Variants in KANSL1 observed in about 807,000 individuals in gnomAD.
The protein encoded by KANSL1 is KAT8 regulatory NSL complex subunit 1, also known as MLL1/MLL complex subunit KANSL1.
A neutral mutation model predicts 103.6 loss-of-function variants in KANSL1; 22 were observed. The observed-to-expected ratio is 0.21, with a 90% CI of 0.15 to 0.30. The LOEUF (loss-of-function observed/expected upper bound fraction) is 0.30, where lower values mean the gene tolerates loss of function less well. Among genes scored for constraint, KANSL1 ranks in the 10% least tolerant of loss-of-function variants. The probability of loss-of-function intolerance (pLI) is 1.00; values close to 1 mark genes in which losing one functional copy is unlikely to be tolerated. For missense variants in KANSL1, 1,337 were observed against 1,399.8 expected, an observed-to-expected ratio of 0.96 and a Z score of 0.72; for synonymous variants, 600 against 527.6, an observed-to-expected ratio of 1.14 and a Z score of -1.88.
intron 6 of KANSL1, among the ~76,000 whole-genome samples, chr17:46,056,195 C>T (rs1246688758): frequency 2.0e-5 from 3 of 152,158 alleles, no homozygotes; most frequent in African/African-American, 7.2e-5. Context: ...ACGGGGGTTT[C>T]GCCATGCTGG....
chr17:46,067,439 AAGGC>A, intron 5 of KANSL1, 106 bp downstream of exon 5: 1 of 727,610 alleles, frequency 1.4e-6, no homozygotes, highest in Non-Finnish European at 2.5e-6. Context: ...ACTAAGTGAT[AAGGC>A]TTCCGCTTCT....
intron 1 of KANSL1, among the ~76,000 whole-genome samples, chr17:46,199,962 A>AC (rs1334047658): frequency 6.6e-6 from 1 of 152,176 alleles, no homozygotes; most frequent in Admixed American, 6.5e-5. Flanking sequence ...AATAGCAGCT[A>AC]CCAGCACTCA....
chr17:46,052,927 G>A (rs914568148), intron 6 of KANSL1, among the ~76,000 whole-genome samples: 6 of 123,592 alleles, frequency 4.9e-5, no homozygotes, highest in Non-Finnish European at 4.7e-5. Flanking sequence ...TTGCACCACT[G>A]CACTGCAGCC....
At position 46,105,906 on chromosome 17, in the gene KANSL1, G is replaced by GACACAC. The variant is rs773000790; in HGVS notation, c.1290-11211_1290-11206dup. ...ACACACACACACAGAGCAAGGCCTT[G>GACACAC]ACACACACACACACACACACACACA... On this transcript the variant is annotated intron_variant, in intron 2 of 14. Coordinates refer to ENST00000432791, the MANE Select transcript of KANSL1 (RefSeq NM_015443.4). Among the ~76,000 whole-genome samples the GACACAC allele has an allele frequency of 9.8e-4, 93 of 95,254 alleles. 1 individual carries two copies. Among genetic ancestry groups the GACACAC allele is most frequent in the Admixed American group, 1.4e-3 (14 of 10,274 alleles). 62.5% of individuals were successfully genotyped at this position (95,254 alleles called of 152,430 possible). A position where few individuals can be genotyped will look rare whatever the true frequency, so the allele number is the denominator to read the frequency against.
upstream of KANSL1, among the ~76,000 whole-genome samples, chr17:46,197,205 TTGTC>T (rs2047641214): frequency 6.6e-6 from 1 of 152,266 alleles, no homozygotes; most frequent in African/African-American, 2.4e-5. Context: ...CCATCCATCT[TTGTC>T]TGTGTTCTCT....
chr17:46,098,629 G>T (rs1454285567), intron 2 of KANSL1, among the ~76,000 whole-genome samples: 1 of 152,166 alleles, frequency 6.6e-6, no homozygotes, highest in African/African-American at 2.4e-5. Context: ...TGGATAATAT[G>T]GTTAATAAAC....
intron 1 of KANSL1, among the ~76,000 whole-genome samples, chr17:46,190,312 ACACT>A (rs1451263376): frequency 6.6e-6 from 1 of 152,258 alleles, no homozygotes; most frequent in Non-Finnish European, 1.5e-5. Context: ...TCAACAGGAA[ACACT>A]CACGTAACAA....
chr17:46,155,175 T>C (rs2045350820), intron 2 of KANSL1, among the ~76,000 whole-genome samples: 1 of 148,628 alleles, frequency 6.7e-6, no homozygotes. Context: ...TTTTTTTTTT[T>C]TTTTTGAGAT....
intron 2 of KANSL1, among the ~76,000 whole-genome samples, chr17:46,133,644 A>G (rs1041024673): frequency 6.6e-6 from 1 of 152,240 alleles, no homozygotes; most frequent in African/African-American, 2.4e-5. Context: ...TAAAAGCTCA[A>G]TGACAATAAC....
rs10083827 is a variant in KANSL1 at position 46,172,569 on chromosome 17, T to C, written c.-89-337A>G. Among the ~76,000 whole-genome samples, 1,692 of 152,230 alleles carry C rather than the reference T, an allele frequency of 0.011. 29 individuals are homozygous for C. Among genetic ancestry groups the C allele is most frequent in the African/African-American group, 0.039 (1,603 of 41,494 alleles). ...TTAAAAAAAAATCTCTTTAAGCTTG[T>C]TGAAATAAATGGATTTAAAGCAAGA... On this transcript the variant is annotated intron_variant, in intron 1 of 14. Coordinates refer to ENST00000432791, the MANE Select transcript of KANSL1 (RefSeq NM_015443.4).
chr17:46,147,971 T>A (rs1447906999), intron 2 of KANSL1, among the ~76,000 whole-genome samples: 1 of 152,246 alleles, frequency 6.6e-6, no homozygotes, highest in African/African-American at 2.4e-5. Context: ...GTGGAACTTG[T>A]GTGGTTACTC....
At chr17:46,095,042 C>T (rs77044307) in intron 2 of KANSL1, among the ~76,000 whole-genome samples, 2 of 152,098 alleles carry the variant, frequency 1.3e-5, no homozygotes, top group African/African-American at 4.8e-5. Context: ...GGAAATCCAA[C>T]TGACACTAAG....
chr17:46,113,195 G>A (rs2042897902), intron 2 of KANSL1, among the ~76,000 whole-genome samples: 1 of 152,188 alleles, frequency 6.6e-6, no homozygotes, highest in Non-Finnish European at 1.5e-5. Flanking sequence ...TTTCCTACAA[G>A]AAAATGTCAG....
At chr17:46,074,682 T>C (rs1461151878) in intron 4 of KANSL1, among the ~76,000 whole-genome samples, 1 of 151,784 alleles carries the variant, frequency 6.6e-6, no homozygotes, top group Non-Finnish European at 1.5e-5. Flanking sequence ...GATGGGAGGA[T>C]AGCTGAGCCA....
intron 2 of KANSL1, among the ~76,000 whole-genome samples, chr17:46,113,713 T>C (rs1005570227): frequency 6.6e-6 from 1 of 152,176 alleles, no homozygotes; most frequent in African/African-American, 2.4e-5. Flanking sequence ...GCATGAAGTC[T>C]ACCCTGTATG....
At position 46,063,746 on chromosome 17, in the gene KANSL1, A is replaced by G. The variant is rs138729678; in HGVS notation, c.1848+2791T>C. Among the ~76,000 whole-genome samples, 24 of 152,284 alleles carry G rather than the reference A, an allele frequency of 1.6e-4. No homozygotes were observed. The East Asian group carries it at 2.9e-3, about 18-fold the overall frequency. On this transcript the variant is annotated intron_variant, in intron 6 of 14. Coordinates refer to ENST00000432791, the MANE Select transcript of KANSL1 (RefSeq NM_015443.4). The stretch of plus-strand genomic sequence containing the variant: ...ACATTCGTTCTTAGGCATGGATCAG[A>G]AGAAGGTTGGCTACTTCACATATTA...
chr17:46,205,108 G>A (rs1299500153), intron 1 of KANSL1, among the ~76,000 whole-genome samples: 2 of 152,018 alleles, frequency 1.3e-5, no homozygotes, highest in African/African-American at 4.8e-5. Context: ...GAAGGTTATG[G>A]CCAGGGCAAA....
At chr17:46,179,203 G>A (rs2046666998) in intron 1 of KANSL1, among the ~76,000 whole-genome samples, 1 of 152,122 alleles carries the variant, frequency 6.6e-6, no homozygotes, top group Non-Finnish European at 1.5e-5. Context: ...TCCCAACAGA[G>A]AACCATATCC....
At chr17:46,089,398 C>CT (rs377351806) in intron 3 of KANSL1, among the ~76,000 whole-genome samples, 1,588 of 145,268 alleles carry the variant, frequency 0.011, 6 homozygotes, top group South Asian at 0.023. Context: ...GTCACAAATA[C>CT]TTTTTTTTTT....
Sources: allele counts gnomAD v4.1 joint callset (sites outside exome capture counted in the v4.1 genomes callset), GRCh38; gene constraint gnomAD v4.1.1; transcripts MANE v1.5; gene names NCBI Gene and HGNC (gene_info 2026-07-23, HGNC 2026-07-21).